NCK2: variants seen among roughly 807,000 people sequenced by gnomAD.
NCK2 encodes the protein NCK adaptor protein 2, also known as cytoplasmic protein NCK2.
A neutral mutation model predicts 33.9 loss-of-function variants in NCK2; 16 were observed. The ratio of observed to expected loss-of-function variants is 0.47; its 90% CI spans 0.32 to 0.72. The LOEUF is 0.72. Ranked by LOEUF, NCK2 falls within the 30% of genes least tolerant of loss-of-function variation. The pLI, the probability that NCK2 is intolerant of heterozygous loss-of-function variation, is 0.03. For missense variants in NCK2, 418 were observed against 537.3 expected (o/e 0.78, Z 2.19); for synonymous variants, 273 against 239.9 (o/e 1.14, Z -1.27).
At chr2:105,864,848 C>G (rs1196439082) in intron 3 of NCK2, among the ~76,000 whole-genome samples, 1 of 83,308 alleles carries the variant, frequency 1.2e-5, no homozygotes, top group Non-Finnish European at 3.2e-5. Context: ...CACACACACA[C>G]ACACACACAC....
chr2:105,786,894 C>T (rs908476876), intron 1 of NCK2, among the ~76,000 whole-genome samples: 2 of 152,170 alleles, frequency 1.3e-5, no homozygotes, highest in Non-Finnish European at 2.9e-5. Context: ...TGCTCAGGCA[C>T]CCTCCTTTCT....
At chr2:105,889,646 C>G (rs1678888715) in intron 4 of NCK2, among the ~76,000 whole-genome samples, 1 of 150,286 alleles carries the variant, frequency 6.7e-6, no homozygotes, top group African/African-American at 2.5e-5. Context: ...TGCAGTGGCC[C>G]TGTCATACCT....
At chr2:105,752,466 G>A (rs1418792070) in intron 1 of NCK2, among the ~76,000 whole-genome samples, 1 of 152,170 alleles carries the variant, frequency 6.6e-6, no homozygotes, top group African/African-American at 2.4e-5. Context: ...GAAGTTACCA[G>A]TGTAAAATAA....
chr2:105,819,446 A>T (rs1171978888), intron 2 of NCK2, among the ~76,000 whole-genome samples: 1 of 152,216 alleles, frequency 6.6e-6, no homozygotes, highest in East Asian at 1.9e-4. Context: ...TAGAAATGAC[A>T]GATCTTCTGA....
chr2:105,762,327 C>A (rs932938821), intron 1 of NCK2, among the ~76,000 whole-genome samples: 1 of 152,214 alleles, frequency 6.6e-6, no homozygotes, highest in Non-Finnish European at 1.5e-5. Context: ...CGGGCGCTTC[C>A]TGCTGTCAGA....
intron 1 of NCK2, among the ~76,000 whole-genome samples, chr2:105,812,789 A>ATCACCC (rs3047649): frequency 6.6e-6 from 1 of 150,868 alleles, no homozygotes; most frequent in Admixed American, 6.6e-5. Flanking sequence ...CTCATTACTG[A>ATCACCC]AGCCAGGTGA....
intron 3 of NCK2, among the ~76,000 whole-genome samples, chr2:105,866,551 A>ATTC (rs567664575): frequency 3.1e-3 from 467 of 152,344 alleles, no homozygotes; most frequent in African/African-American, 0.011. Flanking sequence ...CATTAGATAG[A>ATTC]TGCTCAAAAG....
intron 1 of NCK2, among the ~76,000 whole-genome samples, chr2:105,775,885 C>T (rs867130236): frequency 6.6e-6 from 1 of 152,122 alleles, no homozygotes; most frequent in Admixed American, 6.5e-5. Flanking sequence ...AGCTGGTCAT[C>T]AAAAAGTTCC....
chr2:105,828,803 C>T (rs1367621040), intron 2 of NCK2, among the ~76,000 whole-genome samples: 1 of 152,196 alleles, frequency 6.6e-6, no homozygotes, highest in East Asian at 1.9e-4. Flanking sequence ...CAGGGAAGGA[C>T]CATCACTCAC....
At chr2:105,765,847 A>G (rs1180549963) in intron 1 of NCK2, among the ~76,000 whole-genome samples, 2 of 148,532 alleles carry the variant, frequency 1.3e-5, no homozygotes, top group Non-Finnish European at 3.0e-5. Flanking sequence ...CTGTGGAGGT[A>G]TGTGTGTTAG....
At chr2:105,847,526 G>T (rs560572783) in intron 2 of NCK2, among the ~76,000 whole-genome samples, 15 of 152,122 alleles carry the variant, frequency 9.9e-5, no homozygotes, top group Non-Finnish European at 1.8e-4. Context: ...GTGTGCAGCG[G>T]AACTGGCCTC....
Position 105,893,597 on chromosome 2 carries a change from C to A in NCK2, c.*421C>A, listed in dbSNP as rs1440359562. 5.2e-6 allele frequency: 1 copy of A among 192,812 alleles called. No individual in the cohort carries two copies. Among genetic ancestry groups the A allele is most frequent in the Non-Finnish European group, 1.1e-5 (1 of 90,108 alleles). The allele number at this position is 192,812 out of a possible 1,614,324, so 11.9% of individuals were successfully genotyped here. ...GGTGCGATGGCCCCAGTCCTAGCAGCCCTCGCCCATGTCCTGTGCCCTTAC... is the reference window on the plus strand; with the variant it reads ...GGTGCGATGGCCCCAGTCCTAGCAGACCTCGCCCATGTCCTGTGCCCTTAC... On this transcript the variant is annotated 3_prime_UTR_variant, in exon 5 of 5. Transcript: ENST00000233154.
intron 1 of NCK2, among the ~76,000 whole-genome samples, chr2:105,812,975 C>A (rs1675346487): frequency 6.6e-6 from 1 of 152,308 alleles, no homozygotes; most frequent in East Asian, 1.9e-4. Flanking sequence ...GTGGCAGATA[C>A]CCCAGACAGA....
At chr2:105,885,023 C>T (rs1678666419) in intron 4 of NCK2, among the ~76,000 whole-genome samples, 1 of 152,156 alleles carries the variant, frequency 6.6e-6, no homozygotes, top group South Asian at 2.1e-4. Flanking sequence ...ATGGATGTGG[C>T]TAGAAAGCTG....
At chr2:105,781,775 C>T (rs4851867) in intron 1 of NCK2, among the ~76,000 whole-genome samples, 48,237 of 152,058 alleles carry the variant, frequency 0.32, 8,946 homozygotes, top group East Asian at 0.47. Context: ...CTCCGCAGTA[C>T]GAAAATTTGT....
intron 4 of NCK2, among the ~76,000 whole-genome samples, chr2:105,888,370 G>C (rs963790669): frequency 1.3e-5 from 2 of 152,210 alleles, no homozygotes; most frequent in African/African-American, 4.8e-5. Context: ...TCAGCACAGA[G>C]AAATTACTAT....
chr2:105,817,584 A>C (rs951703735), intron 2 of NCK2, among the ~76,000 whole-genome samples: 2 of 152,194 alleles, frequency 1.3e-5, no homozygotes, highest in African/African-American at 4.8e-5. Context: ...AAAATTTACA[A>C]GAAAAAAAAC....
At chr2:105,815,503 T>C (rs1231096891) in intron 1 of NCK2, among the ~76,000 whole-genome samples, 2 of 152,186 alleles carry the variant, frequency 1.3e-5, no homozygotes, top group Admixed American at 6.5e-5. Flanking sequence ...GTGAACTCAC[T>C]TGAAGTCCAC....
At chr2:105,852,931 TC>T (rs1677123653) in intron 2 of NCK2, among the ~76,000 whole-genome samples, 1 of 152,174 alleles carries the variant, frequency 6.6e-6, no homozygotes, top group African/African-American at 2.4e-5. Context: ...CTTTCCTCCT[TC>T]CCAAAAGGTT....
Sources: gnomAD v4.1 joint callset for allele counts (sites outside exome capture counted in the v4.1 genomes callset) on GRCh38, gnomAD v4.1.1 for gene constraint, MANE v1.5 for transcripts, NCBI Gene and HGNC (gene_info 2026-07-23, HGNC 2026-07-21) for gene names.